Variants in TUSC3 observed in about 807,000 individuals in gnomAD.
TUSC3 encodes the protein tumor suppressor candidate 3.
TUSC3 carries 45 observed loss-of-function variants against 44.8 expected under a neutral mutation model. The observed-to-expected ratio is 1.00, with a 90% confidence interval of 0.79 to 1.29. The LOEUF (loss-of-function observed/expected upper bound fraction) is 1.29. TUSC3 is among the 50% of genes most tolerant of loss of function. The pLI is 0.00. For missense variants in TUSC3, 519 were observed against 437.9 expected (o/e 1.19, Z -1.65); for synonymous variants, 212 against 152.9 (o/e 1.39, Z -2.85).
chr8:15,701,854 T>G (rs897859479), intron 6 of TUSC3, among the ~76,000 whole-genome samples: 3 of 152,172 alleles, frequency 2.0e-5, no homozygotes, highest in African/African-American at 7.2e-5. Context: ...TGGACTGTTG[T>G]CTCTGATAAA....
chr8:15,819,995 C>G, the TUSC3 span, among the ~76,000 whole-genome samples: 2 of 152,170 alleles, frequency 1.3e-5, no homozygotes, highest in Admixed American at 1.3e-4. Context: ...ATTATGCTGA[C>G]TACATGTTTT....
At chr8:15,778,650 C>T in the TUSC3 span, among the ~76,000 whole-genome samples, 5 of 152,240 alleles carry the variant, frequency 3.3e-5, no homozygotes, top group South Asian at 8.3e-4. Flanking sequence ...CACTTAGAAT[C>T]CCTGTTTACC....
chr8:15,669,840 CA>C (rs1373887132), intron 5 of TUSC3, among the ~76,000 whole-genome samples: 1 of 151,418 alleles, frequency 6.6e-6, no homozygotes, highest in African/African-American at 2.4e-5. Flanking sequence ...AAGACCAAAA[CA>C]AAAAACCCAC....
chr8:15,792,659 A>G, the TUSC3 span, among the ~76,000 whole-genome samples: 1 of 151,972 alleles, frequency 6.6e-6, no homozygotes, highest in Non-Finnish European at 1.5e-5. Context: ...TCTGTCACCC[A>G]GGCTGGAGTG....
intron 2 of TUSC3, among the ~76,000 whole-genome samples, chr8:15,509,918 A>G (rs1801109432): frequency 6.6e-6 from 1 of 152,208 alleles, no homozygotes; most frequent in Non-Finnish European, 1.5e-5. Context: ...AGGAGAATCC[A>G]GAAAGCTTTG....
At chr8:15,616,971 G>C (rs1480967255) in intron 1 of TUSC3, among the ~76,000 whole-genome samples, 1 of 152,172 alleles carries the variant, frequency 6.6e-6, no homozygotes, top group Non-Finnish European at 1.5e-5. Context: ...AGCCTGATCA[G>C]AGGCGCTGCT....
chr8:15,589,217 A>G (rs1051487013), intron 1 of TUSC3, among the ~76,000 whole-genome samples: 3 of 152,144 alleles, frequency 2.0e-5, no homozygotes, highest in Non-Finnish European at 2.9e-5. Context: ...AGGTGACACA[A>G]GTTTTTTGTA....
intron 2 of TUSC3, among the ~76,000 whole-genome samples, chr8:15,526,606 C>G (rs1801375994): frequency 6.6e-6 from 1 of 152,124 alleles, no homozygotes; most frequent in South Asian, 2.1e-4. Flanking sequence ...CTCTCATTCT[C>G]TCGTCTGCCG....
intron 1 of TUSC3, among the ~76,000 whole-genome samples, chr8:15,611,386 A>G (rs929679818): frequency 2.0e-5 from 3 of 152,130 alleles, no homozygotes; most frequent in Non-Finnish European, 4.4e-5. Flanking sequence ...AGGAGGTTTC[A>G]CCATGTTGGC....
At chr8:15,570,096 C>T (rs982331367) in intron 1 of TUSC3, among the ~76,000 whole-genome samples, 1 of 152,086 alleles carries the variant, frequency 6.6e-6, no homozygotes, top group Non-Finnish European at 1.5e-5. Context: ...CACATTATTA[C>T]TACTCTTGGT....
intron 6 of TUSC3, among the ~76,000 whole-genome samples, chr8:15,705,274 C>T (rs1438666007): frequency 1.3e-5 from 2 of 152,012 alleles, no homozygotes; most frequent in East Asian, 3.9e-4. Context: ...TGGAGTTTCA[C>T]AGTGGTATAT....
chr8:15,614,495 C>T (rs116469338), intron 1 of TUSC3, among the ~76,000 whole-genome samples: 1 of 152,120 alleles, frequency 6.6e-6, no homozygotes. Flanking sequence ...TACTTCTTGT[C>T]TTTATAAATT....
intron 1 of TUSC3, among the ~76,000 whole-genome samples, chr8:15,590,404 T>C (rs1184955220): frequency 1.3e-5 from 2 of 152,168 alleles, no homozygotes; most frequent in African/African-American, 4.8e-5. Context: ...AGAGACGTCA[T>C]GAGTGAACAT....
At chr8:15,758,748 A>T (rs1302623230) in intron 10 of TUSC3, among the ~76,000 whole-genome samples, 3 of 152,026 alleles carry the variant, frequency 2.0e-5, no homozygotes, top group African/African-American at 7.2e-5. Flanking sequence ...TGTTCTGGTC[A>T]TTCCTCATTG....
intron 2 of TUSC3, among the ~76,000 whole-genome samples, chr8:15,492,700 G>C (rs1800824287): frequency 1.3e-5 from 2 of 152,046 alleles, no homozygotes; most frequent in Non-Finnish European, 2.9e-5. Flanking sequence ...TCTTAGGGAG[G>C]CAGAGGTGGG....
At position 15,426,523 on chromosome 8, in the gene TUSC3, C is replaced by T. The variant is rs1799806414; in HGVS notation, n.91+9218C>T. Among the ~76,000 whole-genome samples, 3 of 152,190 alleles carry T rather than the reference C, an allele frequency of 2.0e-5. No homozygotes were observed. In the South Asian group the frequency reaches 6.2e-4, roughly 32 times the overall value. ...TTGTCCTTCTGTGACTGGCTTATTT[C>T]ACTAAGCATAATGTCCTCCAGGTTC... On this transcript the variant is annotated intron_variant and non_coding_transcript_variant, in intron 1 of 5. Transcript: ENST00000503191.
rs1216046997 is a variant in TUSC3, at chr8:15,561,384, G to A, written c.138+20816G>A. The stretch of plus-strand genomic sequence containing the variant: ...GTTCTCAGATCTCCAGCTGCGTGCT[G>A]GGAGAACCACTGCTCTCTTAAAAGC... On this transcript the variant is annotated intron_variant, in intron 1 of 10. Coordinates refer to ENST00000503731, the MANE Select transcript of TUSC3 (RefSeq NM_006765.4). Among the ~76,000 whole-genome samples the A allele has an allele frequency of 2.1e-5, 3 of 141,514 alleles. 1 individual carries two copies. Among genetic ancestry groups the A allele is most frequent in the Non-Finnish European group, 3.1e-5 (2 of 64,130 alleles). 92.8% of individuals were successfully genotyped at this position (141,514 alleles called of 152,430 possible).
intron 1 of TUSC3, among the ~76,000 whole-genome samples, chr8:15,562,262 G>A (rs539112031): frequency 6.6e-6 from 1 of 152,000 alleles, no homozygotes; most frequent in Non-Finnish European, 1.5e-5. Flanking sequence ...GTTATCATTC[G>A]TGGATGGTAT....
chr8:15,703,748 T>C (rs1340985897), intron 6 of TUSC3, among the ~76,000 whole-genome samples: 1 of 152,160 alleles, frequency 6.6e-6, no homozygotes, highest in East Asian at 1.9e-4. Flanking sequence ...GGAGAACTCA[T>C]TCATTACTGG....
Sources: allele counts gnomAD v4.1 joint callset (sites outside exome capture counted in the v4.1 genomes callset), GRCh38; gene constraint gnomAD v4.1.1; transcripts MANE v1.5; gene names NCBI Gene and HGNC (gene_info 2026-07-23, HGNC 2026-07-21).